LRSAM1: variants seen among roughly 807,000 people sequenced by gnomAD.
LRSAM1 encodes leucine rich repeat and sterile alpha motif containing 1.
LRSAM1 carries 96 observed loss-of-function variants against 118.1 expected under a neutral mutation model. The observed-to-expected ratio is 0.81, with a 90% CI of 0.69 to 0.96. The LOEUF is 0.96. LRSAM1 is among the 40% of genes least tolerant of loss of function. The probability of loss-of-function intolerance (pLI) is 0.00; values close to 1 mark genes in which losing one functional copy is unlikely to be tolerated. For synonymous variants in LRSAM1, 322 were observed against 364.2 expected, an observed-to-expected ratio of 0.88 and a Z score of 1.32; for missense variants, 804 against 915.5, an observed-to-expected ratio of 0.88 and a Z score of 1.57.
chr9:127,454,645 G>A (rs371146474), intron 3 of LRSAM1, 46 bp downstream of exon 3: 13 of 1,588,162 alleles, frequency 8.2e-6, no homozygotes, highest in African/African-American at 4.0e-5. Flanking sequence ...TCTCCTCCTC[G>A]GTCCCCATGG....
At chr9:127,471,648 G>A (rs750279254) in intron 10 of LRSAM1, among the ~76,000 whole-genome samples, 6 of 151,084 alleles carry the variant, frequency 4.0e-5, no homozygotes, top group Non-Finnish European at 8.9e-5. Context: ...CTAGCCAGGC[G>A]TGGTGATGCA....
rs145947414 is a variant in LRSAM1 at position 127,457,527 on chromosome 9, T to C, written c.252+134T>C. On this transcript the variant is annotated intron_variant, in intron 6 of 25. Coordinates refer to ENST00000300417, the MANE Select transcript of LRSAM1 (RefSeq NM_001005373.4). ...ACCAGTCAGTCTGGGATTTGATCAG[T>C]ATGGTTTACTGGATACTTCTGTGGG... The C allele has an allele frequency of 0.012, 9,942 of 820,174 alleles. 82 individuals carry two copies. Among genetic ancestry groups the C allele is most frequent in the Middle Eastern group, 0.019 (83 of 4,302 alleles). 50.8% of individuals were successfully genotyped at this position (820,174 alleles called of 1,614,324 possible).
intron 10 of LRSAM1, among the ~76,000 whole-genome samples, chr9:127,470,671 C>T (rs1236133955): frequency 2.6e-5 from 4 of 152,048 alleles, no homozygotes; most frequent in Non-Finnish European, 5.9e-5. Context: ...GTGTGGATAC[C>T]ACACGGCAAG....
chr9:127,501,201 C>G (rs1188577241), intron 25 of LRSAM1, 58 bp downstream of exon 25: 2 of 1,595,372 alleles, frequency 1.3e-6, no homozygotes, highest in Non-Finnish European at 1.7e-6. Context: ...TCCTCAAATT[C>G]TGCAGGTACA....
At position 127,471,914 on chromosome 9, in the gene LRSAM1, C is replaced by T. The variant is rs186699914; in HGVS notation, c.620-1887C>T. Reference sequence around the variant, plus strand: ...TTGACCTAAGGTGATCCACCCACCTCGGCCTCCCGAAGCGCTGGCATTACA... The same window carrying T: ...TTGACCTAAGGTGATCCACCCACCTTGGCCTCCCGAAGCGCTGGCATTACA... On this transcript the variant is annotated intron_variant, in intron 10 of 25. Coordinates refer to ENST00000300417, the MANE Select transcript of LRSAM1 (RefSeq NM_001005373.4). Among the ~76,000 whole-genome samples the T allele has an allele frequency of 3.3e-5, 5 of 151,146 alleles. No homozygotes were observed. The East Asian group carries it at 8.0e-4, about 24-fold the overall frequency.
chr9:127,455,564 A>G lies in LRSAM1; in HGVS notation c.130-12A>G. Reference sequence around the variant, plus strand: ...GGAGGGGAGACACTTACTCTTCTTTATCTTATCTTAGATTCCATTTGGAGC... The same window carrying G: ...GGAGGGGAGACACTTACTCTTCTTTGTCTTATCTTAGATTCCATTTGGAGC... On this transcript the variant is annotated splice_polypyrimidine_tract_variant and intron_variant, in intron 4 of 25. Transcript: ENST00000300417. 1 of 1,614,048 alleles carries G rather than the reference A, an allele frequency of 6.2e-7. No homozygotes were observed.
intron 10 of LRSAM1, among the ~76,000 whole-genome samples, chr9:127,469,944 T>A (rs562400563): frequency 6.6e-6 from 1 of 151,732 alleles, no homozygotes; most frequent in African/African-American, 2.4e-5. Flanking sequence ...CAGCCTGGGA[T>A]ACAGAGCAAG....
At chr9:127,459,890 C>T (rs1834669502) in intron 7 of LRSAM1, among the ~76,000 whole-genome samples, 1 of 152,156 alleles carries the variant, frequency 6.6e-6, no homozygotes, top group African/African-American at 2.4e-5. Flanking sequence ...TTGCTGCATT[C>T]ACTAATTTGT....
chr9:127,479,565 G>C, intron 13 of LRSAM1, 60 bp downstream of exon 13: 3 of 1,607,174 alleles, frequency 1.9e-6, no homozygotes, highest in Admixed American at 3.4e-5. Flanking sequence ...TGGCCTCCTG[G>C]CTTGGGCCAA....
rs202170746 is a variant in LRSAM1 at position 127,479,366 on chromosome 9, G to A, written c.781-17G>A. On this transcript the variant is annotated splice_polypyrimidine_tract_variant and intron_variant, in intron 12 of 25. Transcript: ENST00000300417. ...CCAGGGCCTGTGCTGACAGTCACCA[G>A]GATCTGTGTCTTGCAGGAACAGAAG... The A allele has an allele frequency of 8.1e-6, 13 of 1,614,010 alleles. No homozygotes were observed. Among genetic ancestry groups the A allele is most frequent in the African/African-American group, 1.3e-5 (1 of 74,936 alleles).
intron 11 of LRSAM1, among the ~76,000 whole-genome samples, chr9:127,475,989 C>G (rs1254619891): frequency 6.6e-6 from 1 of 152,200 alleles, no homozygotes; most frequent in Non-Finnish European, 1.5e-5. Context: ...ATCTGCCCAC[C>G]TCGGCCTCCC....
At chr9:127,488,981 C>G (rs1223319618) in intron 18 of LRSAM1, among the ~76,000 whole-genome samples, 3 of 152,164 alleles carry the variant, frequency 2.0e-5, no homozygotes, top group Admixed American at 1.3e-4. Context: ...GTCATCCCAC[C>G]CTGCTCCTTT....
At chr9:127,484,557 A>C in intron 16 of LRSAM1, among the ~76,000 whole-genome samples, 1 of 146,210 alleles carries the variant, frequency 6.8e-6, no homozygotes. Context: ...GTAGGGTCTC[A>C]CTCTGTTGCC....
At chr9:127,476,434 G>C in intron 11 of LRSAM1, among the ~76,000 whole-genome samples, 1 of 152,168 alleles carries the variant, frequency 6.6e-6, no homozygotes, top group Non-Finnish European at 1.5e-5. Flanking sequence ...TGTGGTCCCA[G>C]CTACGAGGGA....
At chr9:127,488,871 A>G (rs905033354) in intron 18 of LRSAM1, among the ~76,000 whole-genome samples, 1 of 151,964 alleles carries the variant, frequency 6.6e-6, no homozygotes, top group African/African-American at 2.4e-5. Flanking sequence ...GATTACAGAC[A>G]TGAGCCACCG....
At chr9:127,499,094 C>T (rs1836269219) in intron 24 of LRSAM1, among the ~76,000 whole-genome samples, 2 of 151,410 alleles carry the variant, frequency 1.3e-5, no homozygotes, top group South Asian at 2.1e-4. Context: ...AATATAGAAG[C>T]TGGGTGCAGT....
chr9:127,479,495 C>T lies in LRSAM1; in HGVS notation c.893C>T (p.Thr298Met), dbSNP rs747368361. 1.6e-5 allele frequency: 26 copies of T among 1,613,818 alleles called. No homozygotes were observed. The highest frequency in any genetic ancestry group is 1.7e-4 in the Middle Eastern group (1 of 6,046). ...SSSQKDEILQ[T>M]VKEEQSRLEQ... ...AGCCAGAAGGATGAGATCCTTCAGA[C>T]GGTCAAGGAGGTTTGTGAGCCGCCT... Residue 298 changes from threonine to methionine, a missense_variant, in exon 13 of 26, where the codon ACG (threonine) becomes ATG (methionine). By Grantham distance (81) the Thr-to-Met change is moderately conservative. Coordinates refer to ENST00000300417, the MANE Select transcript of LRSAM1 (RefSeq NM_001005373.4).
chr9:127,479,979 G>T lies in LRSAM1; in HGVS notation c.1043+1G>T, dbSNP rs373571535. ...AGAAGCTGCTGCAGGACAATCAGAG[G>T]TTGGGCTCTGCTCCTCGGCCCCAGC... On this transcript the variant is annotated splice_donor_variant, in intron 14 of 25. Transcript: ENST00000300417. LOFTEE classifies it high-confidence loss of function. 5 of 1,614,220 alleles carry T rather than the reference G, an allele frequency of 3.1e-6. No homozygotes were observed. The South Asian group carries it at 3.3e-5, about 11-fold the overall frequency.
chr9:127,467,551 C>T (rs923421933), intron 9 of LRSAM1, among the ~76,000 whole-genome samples, 189 bp from the exon 10 acceptor site: 14 of 152,232 alleles, frequency 9.2e-5, no homozygotes, highest in African/African-American at 2.9e-4. Context: ...GGGCATCACA[C>T]TGCCTGCCTA....
Sources: gnomAD v4.1 joint callset for allele counts (sites outside exome capture counted in the v4.1 genomes callset) on GRCh38, gnomAD v4.1.1 for gene constraint, MANE v1.5 for transcripts, NCBI Gene and HGNC (gene_info 2026-07-23, HGNC 2026-07-21) for gene names.